Variants in GHR observed in about 807,000 individuals in gnomAD.
GHR encodes growth hormone receptor, also known as GH receptor.
Under a neutral mutation model 67.1 loss-of-function variants are expected in GHR, and 35 were observed. That is an observed-to-expected ratio of 0.52 (90% CI 0.40 to 0.69). The LOEUF is 0.69. GHR is among the 30% of genes least tolerant of loss of function. The pLI is 0.00. For synonymous variants in GHR, 272 were observed against 269.1 expected, an observed-to-expected ratio of 1.01 and a Z score of -0.10; for missense variants, 792 against 764.6, an observed-to-expected ratio of 1.04 and a Z score of -0.42.
chr5:42,631,561 C>T (rs1311558958), intron 3 of GHR, among the ~76,000 whole-genome samples: 4 of 152,182 alleles, frequency 2.6e-5, no homozygotes, highest in Admixed American at 6.5e-5. Flanking sequence ...CTGCTGTGTA[C>T]TCAGTCTTTA....
chr5:42,570,973 A>C (rs1481629431), intron 2 of GHR, among the ~76,000 whole-genome samples: 1 of 152,194 alleles, frequency 6.6e-6, no homozygotes, highest in Non-Finnish European at 1.5e-5. Flanking sequence ...AAACACGGGG[A>C]TGTTAAGAAG....
chr5:42,554,000 G>A (rs1749175203), intron 1 of GHR, among the ~76,000 whole-genome samples: 1 of 152,014 alleles, frequency 6.6e-6, no homozygotes, highest in African/African-American at 2.4e-5. Context: ...CTCAGGTGGG[G>A]GCAACTTTTG....
At chr5:42,438,119 G>A (rs1308115697) in intron 1 of GHR, among the ~76,000 whole-genome samples, 1 of 152,172 alleles carries the variant, frequency 6.6e-6, no homozygotes, top group East Asian at 1.9e-4. Context: ...AATTACTTCT[G>A]TGTAAGCAAC....
chr5:42,466,179 G>T (rs1208468871), intron 1 of GHR, among the ~76,000 whole-genome samples: 4 of 152,100 alleles, frequency 2.6e-5, no homozygotes, highest in African/African-American at 9.7e-5. Flanking sequence ...CTGGCGTGTG[G>T]TGTCCATCAA....
chr5:42,478,641 A>G (rs1745458214), intron 1 of GHR, among the ~76,000 whole-genome samples: 1 of 152,064 alleles, frequency 6.6e-6, no homozygotes, highest in Non-Finnish European at 1.5e-5. Flanking sequence ...ATTCTCTTTG[A>G]AGCAATTGTG....
At chr5:42,555,349 A>G (rs368525230) in intron 1 of GHR, among the ~76,000 whole-genome samples, 47 of 152,144 alleles carry the variant, frequency 3.1e-4, no homozygotes, top group African/African-American at 1.1e-3. Flanking sequence ...GACAGGCCCT[A>G]TGCACTGAAA....
intron 1 of GHR, among the ~76,000 whole-genome samples, chr5:42,492,853 T>C (rs1561074249): frequency 6.6e-6 from 1 of 152,190 alleles, no homozygotes; most frequent in Non-Finnish European, 1.5e-5. Context: ...CAAAGCTCTG[T>C]TGCCAAGGTA....
rs190336221 is a variant in GHR at position 42,480,102 on chromosome 5, C to G, written c.-12+56147C>G. Among the ~76,000 whole-genome samples, 46 of 152,176 alleles carry G rather than the reference C, an allele frequency of 3.0e-4. No homozygotes were observed. In the East Asian group the frequency reaches 7.1e-3, roughly 24 times the overall value. On this transcript the variant is annotated intron_variant, in intron 1 of 9. Coordinates refer to ENST00000230882, the MANE Select transcript of GHR (RefSeq NM_000163.5). ...GTATGTTGTGTCTTTGTTCTTGTTG[C>G]TTTCAAAGAACATCTTTATTTCTGC...
At chr5:42,650,162 T>G (rs1270553837) in intron 3 of GHR, among the ~76,000 whole-genome samples, 2 of 152,248 alleles carry the variant, frequency 1.3e-5, no homozygotes, top group South Asian at 2.1e-4. Flanking sequence ...TAAAATCTAC[T>G]GAGGGCTCTT....
At chr5:42,696,443 G>A (rs893330179) in intron 5 of GHR, among the ~76,000 whole-genome samples, 1 of 152,178 alleles carries the variant, frequency 6.6e-6, no homozygotes, top group Non-Finnish European at 1.5e-5. Flanking sequence ...ACTGGAATTG[G>A]ACTCTCCCTA....
intron 3 of GHR, among the ~76,000 whole-genome samples, chr5:42,681,412 C>A (rs542913649): frequency 6.6e-6 from 1 of 152,138 alleles, no homozygotes; most frequent in Non-Finnish European, 1.5e-5. Context: ...AATGAGATAC[C>A]ATTTCACACC....
chr5:42,658,110 C>T (rs187009933), intron 3 of GHR, among the ~76,000 whole-genome samples: 38 of 152,104 alleles, frequency 2.5e-4, no homozygotes, highest in Admixed American at 1.8e-3. Context: ...AGAGGAAGTA[C>T]AAAACTATCT....
chr5:42,507,884 G>A (rs1746843840), intron 1 of GHR, among the ~76,000 whole-genome samples: 1 of 152,212 alleles, frequency 6.6e-6, no homozygotes, highest in Non-Finnish European at 1.5e-5. Flanking sequence ...TTCAAACCCA[G>A]TAGGAAGTTA....
intron 1 of GHR, among the ~76,000 whole-genome samples, chr5:42,519,880 C>T (rs4552612): frequency 6.6e-6 from 1 of 152,080 alleles, no homozygotes. Flanking sequence ...AATTAAATGA[C>T]CATAAGTACA....
At chr5:42,625,335 A>C (rs1241417352) in intron 2 of GHR, among the ~76,000 whole-genome samples, 1 of 138,498 alleles carries the variant, frequency 7.2e-6, no homozygotes, top group Non-Finnish European at 1.6e-5. Context: ...ATAATCTGAG[A>C]GTATGTAAAA....
At chr5:42,472,517 C>A (rs1181635176) in intron 1 of GHR, among the ~76,000 whole-genome samples, 1 of 152,036 alleles carries the variant, frequency 6.6e-6, no homozygotes, top group African/African-American at 2.4e-5. Context: ...ACTGGCAGGG[C>A]AAGAAATTAT....
At chr5:42,594,364 A>C (rs1316619095) in intron 2 of GHR, among the ~76,000 whole-genome samples, 1 of 152,240 alleles carries the variant, frequency 6.6e-6, no homozygotes, top group Non-Finnish European at 1.5e-5. Flanking sequence ...GGTCACTGTC[A>C]CTTCAACACA....
chr5:42,463,050 A>G (rs1311518626), intron 1 of GHR, among the ~76,000 whole-genome samples: 1 of 152,326 alleles, frequency 6.6e-6, no homozygotes, highest in East Asian at 1.9e-4. Context: ...TAAGGTTCAT[A>G]CTAAAAGATT....
At chr5:42,465,597 G>A in intron 1 of GHR, 1 of 1,171,966 alleles carries the variant, frequency 8.5e-7, no homozygotes, top group Non-Finnish European at 1.3e-6. Flanking sequence ...ATTTGTTTCT[G>A]AATGTATTTG....
Sources: allele counts gnomAD v4.1 joint callset (sites outside exome capture counted in the v4.1 genomes callset), GRCh38; gene constraint gnomAD v4.1.1; transcripts MANE v1.5; gene names NCBI Gene and HGNC (gene_info 2026-07-23, HGNC 2026-07-21).